Variants in SGCZ observed in about 807,000 individuals in gnomAD.
SGCZ encodes sarcoglycan zeta, also known as zeta-sarcoglycan.
Under a neutral mutation model 41.3 loss-of-function variants are expected in SGCZ, and 40 were observed. The observed-to-expected ratio is 0.97, with a 90% CI of 0.75 to 1.26. The LOEUF (loss-of-function observed/expected upper bound fraction) is 1.26, where lower values mean the gene tolerates loss of function less well. Ranked by LOEUF, SGCZ falls within the 50% of genes most tolerant of loss-of-function variation. The probability of loss-of-function intolerance (pLI) is 0.00; values close to 1 mark genes in which losing one functional copy is unlikely to be tolerated. For missense variants in SGCZ, 552 were observed against 369.8 expected, an observed-to-expected ratio of 1.49 and a Z score of -4.04; for synonymous variants, 206 against 137.5, an observed-to-expected ratio of 1.50 and a Z score of -3.49.
intron 1 of SGCZ, among the ~76,000 whole-genome samples, chr8:14,884,200 G>A (rs1246498039): frequency 6.6e-6 from 1 of 152,078 alleles, no homozygotes; most frequent in East Asian, 1.9e-4. Context: ...AAATATAAGT[G>A]TCTTGTTTAG....
At position 14,191,766 on chromosome 8, in the gene SGCZ, G is replaced by C. The variant is rs186094283; in HGVS notation, c.425-27064C>G. ...ACATCATACAAATGTTTTTATATTG[G>C]AAATTAATCTTGATTATATTTCAGA... On this transcript the variant is annotated intron_variant, in intron 4 of 7. Coordinates refer to ENST00000382080, the MANE Select transcript of SGCZ (RefSeq NM_139167.4). 7.2e-5 allele frequency among the ~76,000 whole-genome samples: 11 copies of C among 152,200 alleles called. No homozygotes were observed. The East Asian group carries it at 2.1e-3, about 29-fold the overall frequency.
chr8:14,372,756 C>T (rs531784932), intron 2 of SGCZ, among the ~76,000 whole-genome samples: 7 of 151,952 alleles, frequency 4.6e-5, no homozygotes, highest in African/African-American at 1.7e-4. Flanking sequence ...TTGGAGTATC[C>T]GAGTAATAGC....
intron 3 of SGCZ, among the ~76,000 whole-genome samples, chr8:14,278,978 A>C (rs760263208): frequency 1.2e-4 from 18 of 152,140 alleles, no homozygotes; most frequent in Non-Finnish European, 2.5e-4. Context: ...TTATGTGTTA[A>C]AGAAATGGCT....
chr8:14,179,345 C>A (rs895639781), intron 4 of SGCZ, among the ~76,000 whole-genome samples: 1 of 152,208 alleles, frequency 6.6e-6, no homozygotes, highest in South Asian at 2.1e-4. Flanking sequence ...AGCATCCACA[C>A]TGTGAATGAC....
intron 1 of SGCZ, among the ~76,000 whole-genome samples, chr8:14,750,605 T>C (rs1448570130): frequency 6.6e-6 from 1 of 152,178 alleles, no homozygotes; most frequent in African/African-American, 2.4e-5. Flanking sequence ...ATGGTGTTTT[T>C]TTAAAGCCTT....
chr8:14,102,415 G>C lies in SGCZ; in HGVS notation c.705C>G (p.Thr235=), dbSNP rs375358298. Residue 235 remains threonine (T), a synonymous_variant, in exon 7 of 8, where the codon ACC becomes ACG. Transcript: ENST00000382080. The part of the protein sequence containing the change: ...VSAAAGDFKA[T]CRKELHLQST... Reference sequence around the variant, plus strand: ...ATTGCAGATGGAGCTCCTTCCTGCAGGTGGCCTTGAAGTCTCCTGCAGCAG... The same window carrying C: ...ATTGCAGATGGAGCTCCTTCCTGCACGTGGCCTTGAAGTCTCCTGCAGCAG... The C allele has an allele frequency of 1.3e-6, 2 of 1,527,822 alleles. No individual in the cohort carries two copies. The highest frequency in any genetic ancestry group is 1.3e-5 in the South Asian group (1 of 78,864). The allele number at this position is 1,527,822 out of a possible 1,614,324, so 94.6% of individuals were successfully genotyped here.
chr8:15,072,121 A>C (rs566471662), intron 1 of SGCZ, among the ~76,000 whole-genome samples: 2 of 151,848 alleles, frequency 1.3e-5, no homozygotes, highest in Non-Finnish European at 2.9e-5. Flanking sequence ...CAGGTGAAGT[A>C]CTCTCCATCT....
At chr8:14,770,838 A>C (rs1392508086) in intron 1 of SGCZ, among the ~76,000 whole-genome samples, 1 of 152,196 alleles carries the variant, frequency 6.6e-6, no homozygotes, top group East Asian at 1.9e-4. Context: ...AAATAAGTAC[A>C]TGCCTGATGT....
intron 1 of SGCZ, among the ~76,000 whole-genome samples, chr8:14,787,342 G>A (rs1369572662): frequency 6.6e-6 from 1 of 151,952 alleles, no homozygotes; most frequent in Admixed American, 6.6e-5. Context: ...CGGGAATCTG[G>A]TGCTTTATTT....
chr8:15,161,544 G>C (rs1799512673), intron 1 of SGCZ, among the ~76,000 whole-genome samples: 1 of 152,152 alleles, frequency 6.6e-6, no homozygotes, highest in Non-Finnish European at 1.5e-5. Context: ...TGTCCAGTAG[G>C]TGCTTAATGG....
chr8:14,561,841 G>A lies in SGCZ; in HGVS notation c.40-6915C>T, dbSNP rs372822839. Among the ~76,000 whole-genome samples the A allele has an allele frequency of 5.9e-5, 9 of 152,202 alleles. No individual in the cohort carries two copies. In the East Asian group the frequency reaches 1.4e-3, roughly 23 times the overall value. The stretch of plus-strand genomic sequence containing the variant: ...TCTAATAATGTAAATAACATTTCTG[G>A]CAAGATGTTATAAGGTTCAATGAAA... On this transcript the variant is annotated intron_variant, in intron 1 of 7. Transcript: ENST00000382080.
intron 1 of SGCZ, among the ~76,000 whole-genome samples, chr8:14,798,664 T>C (rs906145461): frequency 3.9e-5 from 6 of 152,152 alleles, no homozygotes; most frequent in African/African-American, 4.8e-5. Context: ...AATTTTAAAA[T>C]ACTTACATAT....
At chr8:15,085,571 A>T (rs1805919453) in intron 1 of SGCZ, among the ~76,000 whole-genome samples, 1 of 152,184 alleles carries the variant, frequency 6.6e-6, no homozygotes, top group Admixed American at 6.5e-5. Flanking sequence ...CAGAATCTGT[A>T]GGTAACCTGA....
At chr8:14,508,188 A>G (rs2117068288) in intron 2 of SGCZ, among the ~76,000 whole-genome samples, 1 of 152,192 alleles carries the variant, frequency 6.6e-6, no homozygotes, top group Non-Finnish European at 1.5e-5. Flanking sequence ...TTACTTTTCT[A>G]TTCTTCACTG....
At chr8:14,400,474 G>A (rs1334041872) in intron 2 of SGCZ, among the ~76,000 whole-genome samples, 1 of 152,026 alleles carries the variant, frequency 6.6e-6, no homozygotes, top group Non-Finnish European at 1.5e-5. Context: ...TGTGTGGATA[G>A]ATGTTTGCAT....
At chr8:14,358,692 ACTTCCAC>A (rs1196953520) in intron 2 of SGCZ, among the ~76,000 whole-genome samples, 1 of 152,022 alleles carries the variant, frequency 6.6e-6, no homozygotes, top group Non-Finnish European at 1.5e-5. Flanking sequence ...GTTCACTGCA[ACTTCCAC>A]CTCTCGGGTT....
intron 1 of SGCZ, among the ~76,000 whole-genome samples, chr8:15,054,600 G>A (rs1157361314): frequency 1.3e-5 from 2 of 152,150 alleles, no homozygotes; most frequent in South Asian, 2.1e-4. Flanking sequence ...ATACTTGAAT[G>A]TGTTAGCTCT....
chr8:14,247,557 A>C (rs1210836155), intron 3 of SGCZ, among the ~76,000 whole-genome samples: 1 of 152,200 alleles, frequency 6.6e-6, no homozygotes, highest in Non-Finnish European at 1.5e-5. Flanking sequence ...ATCTCTATCT[A>C]AAGTAACAAA....
At chr8:15,191,522 T>C (rs1800536035) in intron 1 of SGCZ, among the ~76,000 whole-genome samples, 1 of 152,042 alleles carries the variant, frequency 6.6e-6, no homozygotes, top group South Asian at 2.1e-4. Context: ...TTTAAACCCA[T>C]CATGTTAGAT....
Sources: allele counts gnomAD v4.1 joint callset (sites outside exome capture counted in the v4.1 genomes callset), GRCh38; gene constraint gnomAD v4.1.1; transcripts MANE v1.5; gene names NCBI Gene and HGNC (gene_info 2026-07-23, HGNC 2026-07-21).